Variants in SDSL observed in about 807,000 individuals in gnomAD.
SDSL encodes the protein serine dehydratase-like.
A neutral mutation model predicts 27.6 loss-of-function variants in SDSL; 26 were observed. The ratio of observed to expected loss-of-function variants is 0.94; its 90% CI spans 0.69 to 1.31. SDSL has a LOEUF of 1.31. Ranked by LOEUF, SDSL falls within the 50% of genes most tolerant of loss-of-function variation. The pLI, the probability that SDSL is intolerant of heterozygous loss-of-function variation, is 0.00. For synonymous variants in SDSL, 196 were observed against 180.6 expected, an observed-to-expected ratio of 1.09 and a Z score of -0.69; for missense variants, 431 against 423.5, an observed-to-expected ratio of 1.02 and a Z score of -0.16.
chr12:113,425,181 T>C (rs1269773486), intron 1 of SDSL, among the ~76,000 whole-genome samples: 2 of 152,196 alleles, frequency 1.3e-5, no homozygotes, highest in Non-Finnish European at 2.9e-5. Flanking sequence ...TTCTAACTTT[T>C]GCTTCTGGTC....
Position 113,437,981 on chromosome 12 carries a change from C to T in SDSL, c.892C>T (p.Pro298Ser), listed in dbSNP as rs371398242. 1.4e-5 allele frequency: 23 copies of T among 1,613,978 alleles called. No individual in the cohort carries two copies. The highest frequency in any genetic ancestry group is 6.6e-5 in the South Asian group (6 of 91,084). ...LRRLQAEGCL[P>S]PSLTSVVVIV... ...GAGGCTCCAGGCCGAGGGCTGCCTG[C>T]CCCCTTCCCTGACTTCAGTTGTGGT... is the stretch of plus-strand genomic sequence containing the variant. Residue 298 changes from proline (P) to serine (S), a missense_variant, in exon 8 of 8, where the codon CCC becomes TCC. By Grantham distance (74) the Pro-to-Ser change is moderately conservative (BLOSUM62 -1). Transcript: ENST00000403593.
At chr12:113,425,940 G>A in intron 1 of SDSL, 1 of 370,254 alleles carries the variant, frequency 2.7e-6, no homozygotes, top group South Asian at 2.0e-5. Context: ...AGTGAGCAGA[G>A]ATTGCACCAC....
chr12:113,436,897 C>A, intron 7 of SDSL, 22 bp downstream of exon 7: 2 of 1,547,058 alleles, frequency 1.3e-6, no homozygotes, highest in African/African-American at 1.4e-5. Context: ...CTGTCCTCCA[C>A]CTGGGCTCAG....
At chr12:113,435,115 A>G (rs1011727572) in intron 5 of SDSL, among the ~76,000 whole-genome samples, 4 of 152,212 alleles carry the variant, frequency 2.6e-5, no homozygotes, top group Admixed American at 2.6e-4. Context: ...ACTCTATCCA[A>G]AAAAATAAAA....
chr12:113,432,266 TTCTTTCTTTCTTTCTTTCTTTCTTTCTC>T (rs1266635288), intron 4 of SDSL, among the ~76,000 whole-genome samples: 35 of 126,988 alleles, frequency 2.8e-4, no homozygotes, highest in African/African-American at 8.7e-4. Flanking sequence ...CTTTCTTTCT[TTCTTTCTTTCTTTCTTTCTTTCTTTCTC>T]TCTCTCTCTT....
At chr12:113,429,105 G>A in intron 3 of SDSL, 55 bp from the exon 4 acceptor site, 11 of 1,572,352 alleles carry the variant, frequency 7.0e-6, no homozygotes, top group Non-Finnish European at 9.6e-6. Context: ...GGAGGGGAAG[G>A]CATATCAAAG....
At chr12:113,426,258 C>A (rs910293399) in intron 1 of SDSL, 1 of 455,858 alleles carries the variant, frequency 2.2e-6, no homozygotes, top group Non-Finnish European at 4.4e-6. Flanking sequence ...TCTTGGCTCT[C>A]TTCCTGTCAT....
intron 6 of SDSL, among the ~76,000 whole-genome samples, chr12:113,436,044 C>G (rs1451315001): frequency 6.6e-6 from 1 of 152,124 alleles, no homozygotes; most frequent in African/African-American, 2.4e-5. Context: ...TTGCTTGAGC[C>G]CAGGAGTTTG....
rs71086169 is a variant in SDSL at position 113,432,209 on chromosome 12, C to CTTCT, written c.355-1844_355-1841dup. Among the ~76,000 whole-genome samples the CTTCT allele has an allele frequency of 9.3e-4, 95 of 102,686 alleles. 2 individuals are homozygous for CTTCT. The highest frequency in any genetic ancestry group is 1.4e-3 in the Admixed American group (13 of 9,464). 67.4% of individuals were successfully genotyped at this position (102,686 alleles called of 152,430 possible). ...CCTGGCTGACAGGTTTGTTTGTTTG[C>CTTCT]TTCTTTCTTTCTTTCTTTCTTTCTT... is the stretch of plus-strand genomic sequence containing the variant. On this transcript the variant is annotated intron_variant, in intron 4 of 7. Coordinates refer to ENST00000403593, the MANE Select transcript of SDSL (RefSeq NM_001304993.2).
chr12:113,436,486 C>T (rs1257006689), intron 6 of SDSL, among the ~76,000 whole-genome samples: 1 of 152,132 alleles, frequency 6.6e-6, no homozygotes, highest in East Asian at 1.9e-4. Context: ...CGGGGTTTCA[C>T]CATGTTGGTC....
At chr12:113,429,104 G>C in intron 3 of SDSL, 56 bp from the exon 4 acceptor site, 1 of 1,570,804 alleles carries the variant, frequency 6.4e-7, no homozygotes, top group East Asian at 2.3e-5. Flanking sequence ...GGGAGGGGAA[G>C]GCATATCAAA....
intron 7 of SDSL, 192 bp downstream of exon 7, chr12:113,437,067 T>A (rs1183463829): frequency 9.1e-6 from 4 of 441,162 alleles, no homozygotes; most frequent in Non-Finnish European, 1.5e-5. Context: ...TTGCTGTCTC[T>A]AGCCCCCAGA....
At chr12:113,426,170 T>C (rs1360303145) in intron 1 of SDSL, 4 of 455,582 alleles carry the variant, frequency 8.8e-6, no homozygotes, top group African/African-American at 2.0e-5. Context: ...AAACCCCTTC[T>C]GTCTGCATCC....
chr12:113,434,248 G>A (rs1957964679), intron 5 of SDSL, 26 bp downstream of exon 5: 3 of 1,552,308 alleles, frequency 1.9e-6, no homozygotes, highest in Non-Finnish European at 2.6e-6. Flanking sequence ...CTCTCCCCAG[G>A]AGTCCAGAGC....
Position 113,436,859 on chromosome 12 carries a change from T to A in SDSL, c.780T>A (p.Ala260=). ...TGGAGGACACCGAGGCTGTGAGCGC[T>A]GTGCAGCAGCTCCTGGGTGAGTGAT... ...EVVEDTEAVS[A]VQQLLDDERM... Residue 260 remains alanine, a synonymous_variant, in exon 7 of 8, where the codon GCT becomes GCA. Transcript: ENST00000403593. 1 of 1,607,226 alleles carries A rather than the reference T, an allele frequency of 6.2e-7. No individual in the cohort carries two copies. The highest frequency in any genetic ancestry group is 8.5e-7 in the Non-Finnish European group (1 of 1,177,796).
rs147923357 is a variant in SDSL at position 113,428,115 on chromosome 12, G to A, written c.133G>A (p.Gly45Ser). 9 of 1,613,520 alleles carry A rather than the reference G, an allele frequency of 5.6e-6. No homozygotes were observed. Among genetic ancestry groups the A allele is most frequent in the Admixed American group, 1.7e-5 (1 of 59,924 alleles). Residue 45 changes from glycine to serine, a missense_variant, in exon 2 of 8, where the codon GGC (glycine) becomes AGC (serine). Physicochemically the swap from Gly to Ser is moderately conservative, Grantham distance 56. Coordinates refer to ENST00000403593, the MANE Select transcript of SDSL (RefSeq NM_001304993.2). ...CAAGTGTGAGAATGTGCAGCCCAGC[G>A]GCTCCTTCAAGATTCGGGGCATTGG... Reference protein sequence around the residue: ...FLKCENVQPSGSFKIRGIGHF... With the variant: ...FLKCENVQPSSSFKIRGIGHF...
intron 1 of SDSL, among the ~76,000 whole-genome samples, chr12:113,424,433 C>T (rs1264236556): frequency 1.3e-5 from 2 of 152,200 alleles, no homozygotes; most frequent in Non-Finnish European, 2.9e-5. Flanking sequence ...GTGTTTCCCT[C>T]TTAGAAGTTT....
chr12:113,428,597 C>T, intron 3 of SDSL, 138 bp downstream of exon 3: 2 of 684,570 alleles, frequency 2.9e-6, no homozygotes, highest in East Asian at 2.8e-5. Flanking sequence ...CTACTGTGTA[C>T]ATCCCATCCT....
At chr12:113,437,175 C>A (rs1345033751) in intron 7 of SDSL, 3 of 195,648 alleles carry the variant, frequency 1.5e-5, no homozygotes, top group Non-Finnish European at 3.1e-5. Context: ...CTTCAGGAAG[C>A]CTCCCTTGAT....
Sources: allele counts gnomAD v4.1 joint callset (sites outside exome capture counted in the v4.1 genomes callset), GRCh38; gene constraint gnomAD v4.1.1; transcripts MANE v1.5; gene names NCBI Gene and HGNC (gene_info 2026-07-23, HGNC 2026-07-21).